SPATA13: variants seen among roughly 807,000 people sequenced by gnomAD.
SPATA13 encodes spermatogenesis-associated protein 13.
In SPATA13, 50 loss-of-function variants were observed where a neutral mutation model predicts 104.0. The observed-to-expected ratio is 0.48, with a 90% CI of 0.38 to 0.61. The LOEUF is 0.61. Ranked by LOEUF, SPATA13 falls within the 20% of genes least tolerant of loss-of-function variation. SPATA13 has a pLI of 0.00. For missense variants in SPATA13, 1,524 were observed against 1,690.6 expected, an observed-to-expected ratio of 0.90 and a Z score of 1.73; for synonymous variants, 606 against 667.5, an observed-to-expected ratio of 0.91 and a Z score of 1.42.
At chr13:24,269,564 C>T (rs1301488333) in intron 4 of SPATA13, among the ~76,000 whole-genome samples, 1 of 151,142 alleles carries the variant, frequency 6.6e-6, no homozygotes, top group Non-Finnish European at 1.5e-5. Context: ...CTCTGCCCAG[C>T]TAATTTTTTA....
chr13:24,111,945 C>A (rs1007827779), intron 3 of SPATA13, among the ~76,000 whole-genome samples: 1 of 152,242 alleles, frequency 6.6e-6, no homozygotes, highest in Non-Finnish European at 1.5e-5. Flanking sequence ...TCTGTCCAAT[C>A]AGCGGAAGCA....
chr13:24,130,096 G>A (rs1314513119), intron 3 of SPATA13, among the ~76,000 whole-genome samples: 1 of 152,236 alleles, frequency 6.6e-6, no homozygotes, highest in African/African-American at 2.4e-5. Context: ...TGAACACACA[G>A]GCTGATATCA....
chr13:24,044,236 T>C (rs78059923), intron 3 of SPATA13, among the ~76,000 whole-genome samples: 1 of 85,020 alleles, frequency 1.2e-5, no homozygotes, highest in African/African-American at 4.4e-5. Context: ...TTTCTTTCTT[T>C]TTTTTTTTTT....
intron 1 of SPATA13, 45 bp downstream of exon 1, chr13:24,160,977 A>G (rs988031143): frequency 1.0e-6 from 1 of 968,928 alleles, no homozygotes; most frequent in Non-Finnish European, 1.2e-6. Context: ...GGGCGCGGGC[A>G]TGGGCTGTTA....
chr13:24,115,470 T>C (rs181431852), intron 3 of SPATA13, among the ~76,000 whole-genome samples: 2 of 152,368 alleles, frequency 1.3e-5, no homozygotes, highest in Admixed American at 1.3e-4. Context: ...TGAACCCTAT[T>C]GCAAACCGCG....
intron 4 of SPATA13, among the ~76,000 whole-genome samples, chr13:24,255,158 G>C (rs1873721679): frequency 6.6e-6 from 1 of 152,232 alleles, no homozygotes; most frequent in African/African-American, 2.4e-5. Flanking sequence ...CTTGGGAAGA[G>C]TATTGCTTAC....
chr13:24,057,877 T>G (rs892218993), intron 3 of SPATA13, among the ~76,000 whole-genome samples: 1 of 151,660 alleles, frequency 6.6e-6, no homozygotes, highest in African/African-American at 2.4e-5. Flanking sequence ...CCCTCCTCTC[T>G]TTTGATTTCA....
chr13:23,990,087 C>T (rs1193691359), intron 2 of SPATA13, among the ~76,000 whole-genome samples: 1 of 152,218 alleles, frequency 6.6e-6, no homozygotes, highest in Admixed American at 6.5e-5. Context: ...CCTAAACAGT[C>T]TCTCCAGTGT....
chr13:24,009,508 G>A (rs957379206), intron 2 of SPATA13, among the ~76,000 whole-genome samples: 2 of 152,224 alleles, frequency 1.3e-5, no homozygotes, highest in Admixed American at 6.5e-5. Flanking sequence ...TCAAAGACAT[G>A]TAAAGATGTA....
intron 3 of SPATA13, among the ~76,000 whole-genome samples, chr13:24,042,504 A>G (rs961460800): frequency 6.6e-6 from 1 of 151,584 alleles, no homozygotes; most frequent in African/African-American, 2.4e-5. Context: ...CACTGAGATC[A>G]GAGACACAAG....
intron 3 of SPATA13, among the ~76,000 whole-genome samples, chr13:24,090,512 G>A (rs546819026): frequency 2.0e-5 from 3 of 152,102 alleles, no homozygotes; most frequent in Non-Finnish European, 2.9e-5. Flanking sequence ...CTTTGACCTC[G>A]CCCTCTTTTT....
intron 3 of SPATA13, among the ~76,000 whole-genome samples, chr13:24,070,806 A>G (rs1324751606): frequency 1.3e-5 from 2 of 151,740 alleles, no homozygotes; most frequent in African/African-American, 4.8e-5. Context: ...TCAAACTGGC[A>G]CGTCTGGTTT....
chr13:24,207,272 G>A (rs1197701798), intron 1 of SPATA13, among the ~76,000 whole-genome samples: 2 of 152,134 alleles, frequency 1.3e-5, no homozygotes, highest in African/African-American at 4.8e-5. Context: ...ATGGATGCTG[G>A]GCTTAATACC....
chr13:24,171,250 C>T (rs1458975002), intron 1 of SPATA13, among the ~76,000 whole-genome samples: 1 of 152,044 alleles, frequency 6.6e-6, no homozygotes, highest in Non-Finnish European at 1.5e-5. Flanking sequence ...AAGCAGTGCC[C>T]ATCACTGCCT....
At chr13:24,114,731 T>C (rs9507246) in intron 3 of SPATA13, among the ~76,000 whole-genome samples, 61,154 of 151,920 alleles carry the variant, frequency 0.4, 12,654 homozygotes, top group East Asian at 0.49. Flanking sequence ...GGCACGATCT[T>C]GGCTCACCAC....
At position 24,297,587 on chromosome 13, in the gene SPATA13, C is replaced by T; in HGVS notation, c.3435C>T (p.Cys1145=). 2 of 1,614,212 alleles carry T rather than the reference C, an allele frequency of 1.2e-6. No homozygotes were observed. Among genetic ancestry groups the T allele is most frequent in the African/African-American group, 1.3e-5 (1 of 75,056 alleles). ...TGGGGGATGGGCGCGACAAGGACTGCAACCTCAGCGTGAAAAATGCCTTCA... is the reference window on the plus strand; with the variant it reads ...TGGGGGATGGGCGCGACAAGGACTGTAACCTCAGCGTGAAAAATGCCTTCA... ...VDLGDGRDKD[C]NLSVKNAFKL... The change falls in exon 11 of 13, where the codon TGC becomes TGT. Residue 1145 remains cysteine (C), a synonymous_variant. Coordinates refer to ENST00000382108, the MANE Select transcript of SPATA13 (RefSeq NM_001166271.3).
At chr13:24,215,423 A>G (rs1220603) in intron 1 of SPATA13, among the ~76,000 whole-genome samples, 82,085 of 152,024 alleles carry the variant, frequency 0.54, 22,778 homozygotes, top group East Asian at 0.69. Flanking sequence ...TCTGTCCTCA[A>G]CAGTGGCAAA....
chr13:24,270,330 T>G (rs949225869), intron 4 of SPATA13, among the ~76,000 whole-genome samples: 4 of 152,226 alleles, frequency 2.6e-5, no homozygotes, highest in Admixed American at 1.3e-4. Flanking sequence ...TAAAGTGATT[T>G]CATAAATTTA....
Position 24,140,055 on chromosome 13 carries a change from T to C in SPATA13, c.-111-82764T>C, listed in dbSNP as rs142847116. Among the ~76,000 whole-genome samples the C allele has an allele frequency of 1.7e-3, 243 of 139,064 alleles. 4 individuals carry two copies. The East Asian group carries it at 0.039, about 22-fold the overall frequency. 91.2% of individuals were successfully genotyped at this position (139,064 alleles called of 152,430 possible). On this transcript the variant is annotated intron_variant, in intron 3 of 14. Transcript: ENST00000424834. ...CTGCACGCCAGCCTGGGTGACAGAG[T>C]GAGACTCCGTCTCAAAAAAAAAAAA...
Sources: allele counts gnomAD v4.1 joint callset (sites outside exome capture counted in the v4.1 genomes callset), GRCh38; gene constraint gnomAD v4.1.1; transcripts MANE v1.5; gene names NCBI Gene and HGNC (gene_info 2026-07-23, HGNC 2026-07-21).